The following SPATA24 variants were observed in gnomAD, a reference collection of about 807,000 sequenced individuals.
SPATA24 encodes spermatogenesis-associated protein 24.
In SPATA24, 21 loss-of-function variants were observed where a neutral mutation model predicts 28.9. The observed-to-expected ratio is 0.73, with a 90% CI of 0.52 to 1.05. The LOEUF (loss-of-function observed/expected upper bound fraction) is 1.05. SPATA24 is among the 50% of genes least tolerant of loss of function. The probability of loss-of-function intolerance (pLI) is 0.00; values close to 1 mark genes in which losing one functional copy is unlikely to be tolerated. For missense variants in SPATA24, 215 were observed against 242.9 expected (o/e 0.88, Z 0.76); for synonymous variants, 76 against 89.9 (o/e 0.85, Z 0.88).
chr5:139,392,889 T>C (rs1287036386), downstream of SPATA24: 3 of 1,544,366 alleles, frequency 1.9e-6, no homozygotes, highest in Non-Finnish European at 2.6e-6. The surrounding 1 kb of genome is among the most constrained non-coding windows in gnomAD (Gnocchi z 5.8). Context: ...GGCGGATCTC[T>C]GTGCGCTTGA....
chr5:139,395,443 C>A (rs2152077314), downstream of SPATA24: 1 of 225,544 alleles, frequency 4.4e-6, no homozygotes, highest in South Asian at 1.6e-4. Flanking sequence ...CAGGGATCCG[C>A]CTGAAGTCAG....
At chr5:139,393,319 T>C (rs1239720115), downstream of SPATA24, 39 of 1,550,922 alleles carry the variant, frequency 2.5e-5, no homozygotes, top group Non-Finnish European at 3.0e-5. Flanking sequence ...GCCGGGCGGC[T>C]CGGGTGCTGC....
chr5:139,402,781 T>G, intron 1 of SPATA24, 88 bp from the exon 2 acceptor site: 1 of 963,840 alleles, frequency 1.0e-6, no homozygotes, highest in Non-Finnish European at 1.6e-6. Context: ...GATAACAGGA[T>G]GATGCTCGTG....
chr5:139,396,401 G>A (rs948775189), downstream of SPATA24: 4 of 985,136 alleles, frequency 4.1e-6, no homozygotes, highest in South Asian at 1.4e-4. Context: ...AGGTGCAAAT[G>A]CAATTTGCAG....
At chr5:139,403,244 C>T (rs907331501) in intron 1 of SPATA24, among the ~76,000 whole-genome samples, 1 of 152,182 alleles carries the variant, frequency 6.6e-6, no homozygotes, top group Non-Finnish European at 1.5e-5. Context: ...CTCCCCTTTC[C>T]CCCACATTCA....
At position 139,403,416 on chromosome 5, in the gene SPATA24, GCCTACC is replaced by G. The variant is rs1758864198; in HGVS notation, c.117+522_117+527del. ...CTCCAGATGGCCAGGATTCTATCAT[GCCTACC>G]CAGGTAATCTGTGACTGCAATGCTT... On this transcript the variant is annotated intron_variant, in intron 1 of 5. Coordinates refer to ENST00000450845, the MANE Select transcript of SPATA24 (RefSeq NM_194296.2). 2.6e-5 allele frequency among the ~76,000 whole-genome samples: 4 copies of G among 152,330 alleles called. No homozygotes were observed. In the East Asian group the frequency reaches 7.7e-4, roughly 29 times the overall value.
intron 1 of SPATA24, among the ~76,000 whole-genome samples, chr5:139,403,523 C>A (rs1271406917): frequency 6.6e-6 from 1 of 152,178 alleles, no homozygotes; most frequent in Non-Finnish European, 1.5e-5. Context: ...CCTAAGTTAG[C>A]GCTGGCAAGG....
chr5:139,396,589 A>C, downstream of SPATA24: 1 of 1,392,192 alleles, frequency 7.2e-7, no homozygotes, highest in Non-Finnish European at 9.3e-7. Context: ...GGCTGTTTAT[A>C]TAGGAAGGGA....
In SPATA24 at chr5:139,397,159, G is replaced by A. The variant is rs921380452; in HGVS notation, c.386-16C>T. 1 of 1,541,294 alleles carries A rather than the reference G, an allele frequency of 6.5e-7. No individual in the cohort carries two copies. Among genetic ancestry groups the A allele is most frequent in the African/African-American group, 1.4e-5 (1 of 72,838 alleles). On this transcript the variant is annotated splice_polypyrimidine_tract_variant and intron_variant, in intron 4 of 5. Transcript: ENST00000450845. ...GACTCAATCTCTGTGGGGGAGAGAG[G>A]CAGGGAGGAGGGGTGGTTCCCATCC...
Position 139,402,649 on chromosome 5 carries a change from C to T in SPATA24, c.162G>A (p.Gln54=). ...DENFVSKEEF[Q]AVEKKLVEEK... is the part of the protein sequence containing the mutation. The stretch of plus-strand genomic sequence containing the variant: ...TTACCACCAGCTTCTTCTCCACTGC[C>T]TGGAACTCTTCTTTACTGACAAAAT... The change falls in exon 2 of 6, where the codon CAG becomes CAA. Residue 54 remains glutamine (Q), a synonymous_variant. Coordinates refer to ENST00000450845, the MANE Select transcript of SPATA24 (RefSeq NM_194296.2). 1 of 1,551,826 alleles carries T rather than the reference C, an allele frequency of 6.4e-7. No individual in the cohort carries two copies. The highest frequency in any genetic ancestry group is 1.2e-5 in the South Asian group (1 of 84,058).
Position 139,403,923 on chromosome 5 carries a change from C to G in SPATA24, c.117+21G>C, listed in dbSNP as rs1229430122. 9 of 1,547,296 alleles carry G rather than the reference C, an allele frequency of 5.8e-6. No homozygotes were observed. In the East Asian group the frequency reaches 2.2e-4, roughly 38 times the overall value. ...TGAGGCATCCGGCCCCGCCTCTCCC[C>G]AAACTCCTCTGGCTGCATACCACGT... is the stretch of plus-strand genomic sequence containing the variant. On this transcript the variant is annotated intron_variant, in intron 1 of 5. Coordinates refer to ENST00000450845, the MANE Select transcript of SPATA24 (RefSeq NM_194296.2).
At chr5:139,392,958 G>T (rs779933737), downstream of SPATA24, 1 of 1,508,150 alleles carries the variant, frequency 6.6e-7, no homozygotes, top group East Asian at 2.5e-5. The surrounding 1 kb of genome is among the most constrained non-coding windows in gnomAD (Gnocchi z 5.8). Flanking sequence ...GCTGTGAGGC[G>T]TCCCGGGCGA....
At chr5:139,393,721 GA>G, downstream of SPATA24, 1 of 1,551,324 alleles carries the variant, frequency 6.4e-7, no homozygotes, top group Non-Finnish European at 8.7e-7. Context: ...GATCGGAGGG[GA>G]AGGGCTTCTC....
chr5:139,392,877 C>A (rs1295090694), downstream of SPATA24: 8 of 1,544,588 alleles, frequency 5.2e-6, no homozygotes, highest in South Asian at 9.6e-5. The surrounding 1 kb of genome is among the most constrained non-coding windows in gnomAD (Gnocchi z 5.8). Context: ...GGGCCCCAGG[C>A]AGGCGGATCT....
downstream of SPATA24, chr5:139,394,768 G>T (rs751792293): frequency 3.8e-5 from 58 of 1,532,042 alleles, no homozygotes; most frequent in South Asian, 6.7e-4. Context: ...CGACGGCAGC[G>T]TGCGCAGCTG....
chr5:139,393,403 G>A (rs1348520298), downstream of SPATA24: 5 of 1,551,564 alleles, frequency 3.2e-6, no homozygotes, highest in East Asian at 1.2e-4. Context: ...CTGCATCTCT[G>A]TTGGTTCTGG....
At position 139,396,924 on chromosome 5, in the gene SPATA24, T is replaced by A; in HGVS notation, c.494A>T (p.His165Leu). ...ISQQKQIFRN[H>L]MSDFRIQKQQ... Reference sequence around the variant, plus strand: ...CTTCTGGATCCGGAAGTCAGACATGTGATTCCTGCAACGGAGCCGGCTGGT... The same window carrying A: ...CTTCTGGATCCGGAAGTCAGACATGAGATTCCTGCAACGGAGCCGGCTGGT... Residue 165 changes from histidine to leucine, a missense_variant, in exon 6 of 6, where the codon CAC (histidine) becomes CTC (leucine). Coordinates refer to ENST00000450845, the MANE Select transcript of SPATA24 (RefSeq NM_194296.2). 1.3e-6 allele frequency: 2 copies of A among 1,551,672 alleles called. No individual in the cohort carries two copies. Among genetic ancestry groups the A allele is most frequent in the Non-Finnish European group, 8.7e-7 (1 of 1,146,984 alleles).
chr5:139,392,714 G>A, downstream of SPATA24: 3 of 1,400,704 alleles, frequency 2.1e-6, no homozygotes, highest in African/African-American at 4.6e-5. This position sits in a 1 kb window ranked among gnomAD's most constrained non-coding sequence, Gnocchi z 5.8. Flanking sequence ...GGCCCTACGG[G>A]GGAGCGCTGG....
chr5:139,394,274 T>A, downstream of SPATA24: 1 of 1,541,916 alleles, frequency 6.5e-7, no homozygotes, highest in Non-Finnish European at 8.8e-7. Context: ...GACCCGAAGG[T>A]GGCGCTGCTC....
Sources: allele counts gnomAD v4.1 joint callset (sites outside exome capture counted in the v4.1 genomes callset), GRCh38; gene constraint gnomAD v4.1.1; non-coding constraint Gnocchi (gnomAD v3.1); transcripts MANE v1.5; gene names NCBI Gene and HGNC (gene_info 2026-07-23, HGNC 2026-07-21).